Variants in UGT1A9 observed in about 807,000 individuals in gnomAD.
UGT1A9 encodes UDP-glucuronosyltransferase 1A9.
UGT1A9 carries 35 observed loss-of-function variants against 45.0 expected under a neutral mutation model. The ratio of observed to expected loss-of-function variants is 0.78; its 90% CI spans 0.59 to 1.03. The LOEUF (loss-of-function observed/expected upper bound fraction) is 1.03. Among genes scored for constraint, UGT1A9 ranks in the 50% least tolerant of loss-of-function variants. UGT1A9 has a pLI of 0.00. For synonymous variants in UGT1A9, 278 were observed against 250.6 expected (o/e 1.11, Z -1.03); for missense variants, 687 against 666.6 (o/e 1.03, Z -0.34).
chr2:233,754,897 C>T (rs779851030), intron 1 of UGT1A9: 5 of 1,351,174 alleles, frequency 3.7e-6, no homozygotes, highest in Non-Finnish European at 5.0e-6. Context: ...TTCCTCTGAC[C>T]CCCCAAAATA....
At chr2:233,764,507 T>C (rs1318099994) in intron 1 of UGT1A9, among the ~76,000 whole-genome samples, 1 of 152,320 alleles carries the variant, frequency 6.6e-6, no homozygotes, top group Non-Finnish European at 1.5e-5. Flanking sequence ...GGGTTCAATT[T>C]TGTGTGAATC....
chr2:233,733,904 C>T (rs1479410673), intron 1 of UGT1A9, among the ~76,000 whole-genome samples: 1 of 151,462 alleles, frequency 6.6e-6, no homozygotes, highest in Non-Finnish European at 1.5e-5. Context: ...TTGTACCTCT[C>T]TGGTAGAATT....
intron 1 of UGT1A9, chr2:233,691,778 G>T: frequency 3.3e-6 from 1 of 303,792 alleles, no homozygotes; most frequent in African/African-American, 2.3e-5. Context: ...TTCTCACCAC[G>T]TACTGGCTAG....
Position 233,691,777 on chromosome 2 carries a change from C to T in UGT1A9, c.855+18988C>T, listed in dbSNP as rs1445680377. 1.3e-4 allele frequency: 40 copies of T among 315,194 alleles called. 1 individual carries two copies. Among genetic ancestry groups the T allele is most frequent in the Non-Finnish European group, 1.7e-4 (36 of 217,008 alleles). 19.5% of individuals were successfully genotyped at this position (315,194 alleles called of 1,614,324 possible). ...GACTCCTGCTCTAGGATTCTCACCA[C>T]GTACTGGCTAGACTTATACTTCTCA... On this transcript the variant is annotated intron_variant, in intron 1 of 4. Transcript: ENST00000354728.
At chr2:233,687,423 G>A (rs569244022) in intron 1 of UGT1A9, among the ~76,000 whole-genome samples, 9 of 151,954 alleles carry the variant, frequency 5.9e-5, no homozygotes, top group Admixed American at 2.0e-4. Context: ...GAGGCTTACC[G>A]TGTACCAGGT....
At chr2:233,738,538 T>C (rs1559382457) in intron 1 of UGT1A9, among the ~76,000 whole-genome samples, 1 of 152,194 alleles carries the variant, frequency 6.6e-6, no homozygotes, top group Non-Finnish European at 1.5e-5. Context: ...AAGTCCAGGC[T>C]GAGTCTCAGA....
At chr2:233,710,257 T>C (rs1404834948) in intron 1 of UGT1A9, among the ~76,000 whole-genome samples, 4 of 152,232 alleles carry the variant, frequency 2.6e-5, no homozygotes, top group Non-Finnish European at 5.9e-5. Context: ...TTTCTGAGAT[T>C]TCATTTTTCT....
chr2:233,755,186 G>T, intron 1 of UGT1A9: 2 of 1,186,224 alleles, frequency 1.7e-6, no homozygotes, highest in Non-Finnish European at 2.3e-6. Flanking sequence ...GGTGCCACTT[G>T]AGCGCCAGCT....
chr2:233,672,799 C>T lies in UGT1A9; in HGVS notation c.855+10C>T. 6.2e-7 allele frequency: 1 copy of T among 1,612,130 alleles called. No homozygotes were observed. The highest frequency in any genetic ancestry group is 8.5e-7 in the Non-Finnish European group (1 of 1,178,666). The stretch of plus-strand genomic sequence containing the variant: ...AAAGCCGTTGCCTATGGTAAGTTAT[C>T]TCTCCTTTAGCACCTTAAGAATACT... On this transcript the variant is annotated intron_variant, in intron 1 of 4. Coordinates refer to ENST00000354728, the MANE Select transcript of UGT1A9 (RefSeq NM_021027.3).
At chr2:233,677,785 T>A (rs956606386) in intron 1 of UGT1A9, among the ~76,000 whole-genome samples, 8 of 151,898 alleles carry the variant, frequency 5.3e-5, no homozygotes, top group Admixed American at 5.2e-4. Flanking sequence ...TGCAAAGAAC[T>A]TAAAACAGAA....
intron 1 of UGT1A9, among the ~76,000 whole-genome samples, chr2:233,751,605 T>G (rs1030087764): frequency 2.0e-5 from 3 of 152,194 alleles, no homozygotes; most frequent in African/African-American, 7.2e-5. Flanking sequence ...TGGGACCTGG[T>G]GGGAGGTGAT....
At chr2:233,732,524 A>G (rs1199898466) in intron 1 of UGT1A9, among the ~76,000 whole-genome samples, 2 of 152,212 alleles carry the variant, frequency 1.3e-5, no homozygotes, top group African/African-American at 2.4e-5. Context: ...AGCTTTCTAC[A>G]TATGGCCAGT....
chr2:233,747,198 C>G, intron 1 of UGT1A9: 10 of 1,604,166 alleles, frequency 6.2e-6, no homozygotes, highest in South Asian at 1.1e-5. Context: ...GTCAGCTGTC[C>G]GTGTCTTCTG....
At chr2:233,720,787 C>G (rs369291144) in intron 1 of UGT1A9, among the ~76,000 whole-genome samples, 1 of 151,128 alleles carries the variant, frequency 6.6e-6, no homozygotes, top group Non-Finnish European at 1.5e-5. Flanking sequence ...CTCACTGCAA[C>G]CTTCACCTCC....
At chr2:233,735,047 G>A (rs1460443849) in intron 1 of UGT1A9, among the ~76,000 whole-genome samples, 1 of 152,202 alleles carries the variant, frequency 6.6e-6, no homozygotes, top group Non-Finnish European at 1.5e-5. Context: ...GTGCAGAGCT[G>A]AGTTCAGGTC....
At chr2:233,692,689 G>A (rs2075110228) in intron 1 of UGT1A9, among the ~76,000 whole-genome samples, 1 of 152,206 alleles carries the variant, frequency 6.6e-6, no homozygotes, top group South Asian at 2.1e-4. Context: ...GGGGTCCTCA[G>A]GGGTCTCTCC....
At chr2:233,765,924 G>C (rs1285485148) in intron 1 of UGT1A9, among the ~76,000 whole-genome samples, 1 of 152,060 alleles carries the variant, frequency 6.6e-6, no homozygotes, top group East Asian at 1.9e-4. Context: ...GCATACAGAC[G>C]GGCAGGTTGT....
chr2:233,725,667 A>G (rs756322842), intron 1 of UGT1A9, among the ~76,000 whole-genome samples: 6 of 152,188 alleles, frequency 3.9e-5, no homozygotes, highest in Non-Finnish European at 8.8e-5. Context: ...AATTTGGAAT[A>G]GTCACATTTC....
At chr2:233,729,404 T>C (rs2077851412) in intron 1 of UGT1A9, 1 of 1,613,884 alleles carries the variant, frequency 6.2e-7, no homozygotes, top group East Asian at 2.2e-5. Flanking sequence ...GATCGCCATG[T>C]GCTGGGCCAC....
Sources: allele counts gnomAD v4.1 joint callset (sites outside exome capture counted in the v4.1 genomes callset), GRCh38; gene constraint gnomAD v4.1.1; transcripts MANE v1.5; gene names NCBI Gene and HGNC (gene_info 2026-07-23, HGNC 2026-07-21).